UHMK1: variants seen among roughly 807,000 people sequenced by gnomAD.
UHMK1 encodes serine/threonine-protein kinase Kist.
UHMK1 carries 18 observed loss-of-function variants against 44.0 expected under a neutral mutation model. The ratio of observed to expected loss-of-function variants is 0.41; its 90% CI spans 0.28 to 0.61. The LOEUF (loss-of-function observed/expected upper bound fraction) is 0.61, where lower values mean the gene tolerates loss of function less well. Ranked by LOEUF, UHMK1 falls within the 20% of genes least tolerant of loss-of-function variation. The probability of loss-of-function intolerance (pLI) is 0.31; values close to 1 mark genes in which losing one functional copy is unlikely to be tolerated. For synonymous variants in UHMK1, 231 were observed against 198.5 expected (o/e 1.16, Z -1.38); for missense variants, 463 against 522.5 (o/e 0.89, Z 1.11).
Position 162,518,189 on chromosome 1 carries a change from A to G in UHMK1, c.1112A>G (p.Gln371Arg). ...CCAAAGGAAAATCCTGGCAGAGGACAAGTAAGTGAATATTTTCATAATTGC... is the reference window on the plus strand; with the variant it reads ...CCAAAGGAAAATCCTGGCAGAGGACGAGTAAGTGAATATTTTCATAATTGC... ...LVPKENPGRG[Q>R]VFVEYANAGD... Residue 371 changes from glutamine (Q) to arginine (R), a missense_variant and splice_region_variant, in exon 7 of 8, where the codon CAA (glutamine) becomes CGA (arginine). Coordinates refer to ENST00000489294, the MANE Select transcript of UHMK1 (RefSeq NM_175866.5). The G allele has an allele frequency of 6.2e-7, 1 of 1,603,904 alleles. No homozygotes were observed. The highest frequency in any genetic ancestry group is 8.5e-7 in the Non-Finnish European group (1 of 1,171,030).
intron 3 of UHMK1, 145 bp downstream of exon 3, chr1:162,501,249 A>G: frequency 1.3e-6 from 1 of 760,070 alleles, no homozygotes; most frequent in Non-Finnish European, 2.0e-6. Context: ...AGCTCACTGC[A>G]ACCTCCACCT....
intron 6 of UHMK1, among the ~76,000 whole-genome samples, chr1:162,516,045 A>C (rs377468195): frequency 1.3e-4 from 19 of 151,842 alleles, no homozygotes; most frequent in African/African-American, 3.9e-4. Flanking sequence ...AAAAAAAAAA[A>C]CAACAAAACT....
At chr1:162,518,632 A>G (rs974225545) in intron 7 of UHMK1, among the ~76,000 whole-genome samples, 2 of 151,514 alleles carry the variant, frequency 1.3e-5, no homozygotes, top group Admixed American at 6.6e-5. Context: ...CAGTGAGCCA[A>G]GATCCTGCCA....
rs531965158 is a variant in UHMK1, at chr1:162,527,701, A to T, written c.*5151A>T. 24 of 152,226 alleles carry T rather than the reference A, an allele frequency of 1.6e-4. No homozygotes were observed. Among genetic ancestry groups the T allele is most frequent in the Admixed American group, 1.2e-3 (18 of 15,292 alleles). The allele number at this position is 152,226 out of a possible 1,614,324, so 9.4% of individuals were successfully genotyped here. On this transcript the variant is annotated 3_prime_UTR_variant, in exon 8 of 8. Coordinates refer to ENST00000489294, the MANE Select transcript of UHMK1 (RefSeq NM_175866.5). ...AGTGTTATTTCCCATTAAATTGGGTAGCTGTCACAATAACCAGAAGAAATC... is the reference window on the plus strand; with the variant it reads ...AGTGTTATTTCCCATTAAATTGGGTTGCTGTCACAATAACCAGAAGAAATC...
chr1:162,497,844 G>T lies in UHMK1; in HGVS notation c.-157G>T. The T allele has an allele frequency of 9.5e-6, 13 of 1,364,772 alleles. No individual in the cohort carries two copies. The highest frequency in any genetic ancestry group is 1.2e-5 in the Non-Finnish European group (13 of 1,063,914). 84.5% of individuals were successfully genotyped at this position (1,364,772 alleles called of 1,614,324 possible). ...GGACTCGGGTGCACCACGGCTTCCG[G>T]TGTCATGGCTGCTTGAAGTCCCGGG... On this transcript the variant is annotated 5_prime_UTR_variant, in exon 1 of 8. Transcript: ENST00000489294.
At chr1:162,512,693 ACATT>A (rs775143169) in intron 5 of UHMK1, 28 bp from the exon 6 acceptor site, 1 of 1,611,098 alleles carries the variant, frequency 6.2e-7, no homozygotes, top group Non-Finnish European at 8.5e-7. Context: ...GGGGGGATTT[ACATT>A]TAACCATATT....
At chr1:162,518,450 C>G (rs1001225283) in intron 7 of UHMK1, among the ~76,000 whole-genome samples, 2 of 151,412 alleles carry the variant, frequency 1.3e-5, no homozygotes, top group Non-Finnish European at 2.9e-5. Flanking sequence ...AATCCCAGCA[C>G]TTTGGGAGGC....
chr1:162,505,446 G>A (rs1448524715), intron 4 of UHMK1, among the ~76,000 whole-genome samples: 2 of 152,180 alleles, frequency 1.3e-5, no homozygotes, highest in Non-Finnish European at 2.9e-5. Flanking sequence ...ACATAAGCCA[G>A]TAACACAGCT....
Position 162,507,968 on chromosome 1 carries a change from T to TA in UHMK1, c.848+4121dup, listed in dbSNP as rs553705991. Among the ~76,000 whole-genome samples the TA allele has an allele frequency of 3.1e-3, 477 of 152,336 alleles. 3 individuals carry two copies. The highest frequency in any genetic ancestry group is 0.011 in the African/African-American group (452 of 41,566). On this transcript the variant is annotated intron_variant, in intron 4 of 7. Transcript: ENST00000489294. Reference sequence around the variant, plus strand: ...TATGTTTATTCATCCTTGTATCTCTTATAGTGTAATTTTATTTTATGAAAT... The same window carrying TA: ...TATGTTTATTCATCCTTGTATCTCTTAATAGTGTAATTTTATTTTATGAAAT...
chr1:162,519,253 C>T (rs144324703), intron 7 of UHMK1, among the ~76,000 whole-genome samples: 1 of 149,524 alleles, frequency 6.7e-6, no homozygotes, highest in African/African-American at 2.5e-5. Flanking sequence ...GGAGGCTGAG[C>T]TGCAGCAAGC....
rs1013539774 is a variant in UHMK1, at chr1:162,529,532, C to G, written c.*6982C>G. ...CTTGTTCAGTTTTGTTGTAAACTGACTTACCATAAGATGCACTGTTGATAA... is the reference window on the plus strand; with the variant it reads ...CTTGTTCAGTTTTGTTGTAAACTGAGTTACCATAAGATGCACTGTTGATAA... On this transcript the variant is annotated 3_prime_UTR_variant, in exon 8 of 8. Transcript: ENST00000489294. 2 of 152,138 alleles carry G rather than the reference C, an allele frequency of 1.3e-5. No homozygotes were observed. Among genetic ancestry groups the G allele is most frequent in the African/African-American group, 4.8e-5 (2 of 41,450 alleles). The allele number at this position is 152,138 out of a possible 1,614,324, so 9.4% of individuals were successfully genotyped here.
In UHMK1 at chr1:162,524,166, T is replaced by C. The variant is rs900890609; in HGVS notation, c.*1616T>C. 6.6e-6 allele frequency: 1 copy of C among 152,178 alleles called. No homozygotes were observed. Among genetic ancestry groups the C allele is most frequent in the South Asian group, 2.1e-4 (1 of 4,824 alleles). The allele number at this position is 152,178 out of a possible 1,614,324, so 9.4% of individuals were successfully genotyped here. On this transcript the variant is annotated 3_prime_UTR_variant, in exon 8 of 8. Transcript: ENST00000489294. ...CTGGAAGCCTCCTCATATTTCCTTA[T>C]GTTTGCCATGCAGGTTGCTGAGAGT...
At chr1:162,509,583 A>T (rs183514996) in intron 4 of UHMK1, among the ~76,000 whole-genome samples, 1 of 152,232 alleles carries the variant, frequency 6.6e-6, no homozygotes, top group Non-Finnish European at 1.5e-5. Flanking sequence ...CTTCTTACAC[A>T]TAGATGCCAA....
At position 162,500,104 on chromosome 1, in the gene UHMK1, C is replaced by T. The variant is rs1431828017; in HGVS notation, c.418C>T (p.Arg140Ter). ...CATGTGGATGATACAGCATTGTGCC[C>T]GAGATGTTTTGGAGGCCCTTGCTTT... The part of the protein sequence containing the change: ...CSMWMIQHCA[R>*]DVLEALAFLH... Residue 140 changes from arginine to a stop codon, truncating the protein, a stop_gained, in exon 2 of 8, where the codon CGA becomes TGA. Coordinates refer to ENST00000489294, the MANE Select transcript of UHMK1 (RefSeq NM_175866.5). LOFTEE classifies it high-confidence loss of function. 3.1e-6 allele frequency: 5 copies of T among 1,613,968 alleles called. No homozygotes were observed. The highest frequency in any genetic ancestry group is 1.1e-5 in the South Asian group (1 of 91,084).
rs1652229758 is a variant in UHMK1, at chr1:162,525,914, AAG to A, written c.*3366_*3367del. On this transcript the variant is annotated 3_prime_UTR_variant, in exon 8 of 8. Coordinates refer to ENST00000489294, the MANE Select transcript of UHMK1 (RefSeq NM_175866.5). ...TGAGATATGTTAAATTATTTTTTAA[AAG>A]AAAATCTCCAAATACTTATTTAACT... The A allele has an allele frequency of 6.6e-6, 1 of 152,174 alleles. No individual in the cohort carries two copies. The highest frequency in any genetic ancestry group is 2.1e-4 in the South Asian group (1 of 4,836). 9.4% of individuals were successfully genotyped at this position (152,174 alleles called of 1,614,324 possible).
chr1:162,511,250 G>T (rs1651660673), intron 4 of UHMK1, among the ~76,000 whole-genome samples: 1 of 140,468 alleles, frequency 7.1e-6, no homozygotes, highest in Non-Finnish European at 1.5e-5. Flanking sequence ...TAGTGCAGTG[G>T]TGTAAACATG....
intron 6 of UHMK1, among the ~76,000 whole-genome samples, chr1:162,514,307 G>A (rs7536664): frequency 1.3e-5 from 2 of 150,522 alleles, no homozygotes; most frequent in African/African-American, 2.4e-5. Flanking sequence ...AAAAAAAGAG[G>A]GTAGACTGAG....
upstream of UHMK1, chr1:162,497,307 A>T (rs1330592870): frequency 5.7e-6 from 4 of 702,412 alleles, no homozygotes; most frequent in African/African-American, 5.2e-5. Context: ...GTATGAGGCT[A>T]GTCGGACCCC....
intron 3 of UHMK1, among the ~76,000 whole-genome samples, chr1:162,503,517 A>G (rs1322014224): frequency 6.6e-6 from 1 of 151,330 alleles, no homozygotes; most frequent in East Asian, 2.0e-4. Flanking sequence ...AGGCTGAGGC[A>G]GGAGGATCAC....
Sources: allele counts gnomAD v4.1 joint callset (sites outside exome capture counted in the v4.1 genomes callset), GRCh38; gene constraint gnomAD v4.1.1; transcripts MANE v1.5; gene names NCBI Gene and HGNC (gene_info 2026-07-23, HGNC 2026-07-21).